SEPTIN2: variants seen among roughly 807,000 people sequenced by gnomAD.
SEPTIN2 encodes septin 2.
SEPTIN2 carries 34 observed loss-of-function variants against 46.5 expected under a neutral mutation model. The observed-to-expected ratio is 0.73, with a 90% CI of 0.56 to 0.97. SEPTIN2 has a LOEUF of 0.97. Ranked by LOEUF, SEPTIN2 falls within the 50% of genes least tolerant of loss-of-function variation. The pLI is 0.00. For missense variants in SEPTIN2, 347 were observed against 448.4 expected (o/e 0.77, Z 2.04); for synonymous variants, 175 against 153.4 (o/e 1.14, Z -1.04).
intron 7 of SEPTIN2, among the ~76,000 whole-genome samples, chr2:241,340,145 A>G (rs560097360): frequency 6.6e-6 from 1 of 152,016 alleles, no homozygotes; most frequent in African/African-American, 2.4e-5. Context: ...TCTTCTCTCC[A>G]CCCCCTAAAA....
intron 12 of SEPTIN2, among the ~76,000 whole-genome samples, chr2:241,350,635 GGAA>G (rs2060704268): frequency 6.6e-6 from 1 of 152,200 alleles, no homozygotes; most frequent in South Asian, 2.1e-4. Context: ...GATGGCACAA[GGAA>G]GAAGAATTAT....
chr2:241,326,967 G>C (rs2078073104), intron 3 of SEPTIN2, among the ~76,000 whole-genome samples: 2 of 146,808 alleles, frequency 1.4e-5, no homozygotes, highest in African/African-American at 5.0e-5. Context: ...CCTCTCACCT[G>C]AGTCCAGGAG....
At chr2:241,348,297 G>T (rs1575400869) in intron 11 of SEPTIN2, 106 bp downstream of exon 11, 1 of 734,208 alleles carries the variant, frequency 1.4e-6, no homozygotes. Flanking sequence ...GCGTGATCTC[G>T]GCTCACTGCA....
Position 241,343,780 on chromosome 2 carries a change from C to G in SEPTIN2, c.725C>G (p.Ser242Cys). ...KASIPFSVVG[S>C]NQLIEAKGKK... ...AGCATCCCATTCTCTGTGGTTGGATCCAATCAGTTGATTGAAGCCAAAGGA... is the reference window on the plus strand; with the variant it reads ...AGCATCCCATTCTCTGTGGTTGGATGCAATCAGTTGATTGAAGCCAAAGGA... Residue 242 changes from serine (S) to cysteine (C), a missense_variant, in exon 9 of 13, where the codon TCC (serine) becomes TGC (cysteine). Physicochemically the swap from Ser to Cys is moderately radical, Grantham distance 112. Transcript: ENST00000391971. The G allele has an allele frequency of 6.2e-7, 1 of 1,614,152 alleles. No homozygotes were observed. The highest frequency in any genetic ancestry group is 1.7e-5 in the Admixed American group (1 of 60,036).
intron 2 of SEPTIN2, chr2:241,324,553 AT>A: frequency 1.7e-5 from 7 of 412,230 alleles, no homozygotes; most frequent in Admixed American, 3.4e-5. Context: ...ACGCTGGCTA[AT>A]TTTTTGGATT....
chr2:241,343,315 A>G (rs2081501814), intron 8 of SEPTIN2, among the ~76,000 whole-genome samples: 1 of 152,212 alleles, frequency 6.6e-6, no homozygotes, highest in African/African-American at 2.4e-5. Context: ...CCTGGCCAAC[A>G]TGGTGAAATC....
At chr2:241,338,993 AATAT>A (rs1196946578) in intron 7 of SEPTIN2, among the ~76,000 whole-genome samples, 3 of 104,022 alleles carry the variant, frequency 2.9e-5, no homozygotes, top group Non-Finnish European at 5.1e-5. Flanking sequence ...TATATTTATA[AATAT>A]ATATAAATAT....
chr2:241,329,586 G>A (rs995005099), intron 3 of SEPTIN2, among the ~76,000 whole-genome samples: 6 of 152,160 alleles, frequency 3.9e-5, no homozygotes, highest in African/African-American at 1.4e-4. Flanking sequence ...AGTTTCCTCA[G>A]CAAGGCCATT....
intron 3 of SEPTIN2, among the ~76,000 whole-genome samples, chr2:241,329,035 G>T (rs767328731): frequency 2.6e-5 from 4 of 152,002 alleles, no homozygotes; most frequent in Non-Finnish European, 5.9e-5. Context: ...ACACAAAAAA[G>T]GTAGAGATTT....
chr2:241,335,729 T>TC, intron 4 of SEPTIN2: 1 of 578,494 alleles, frequency 1.7e-6, no homozygotes, highest in South Asian at 2.2e-5. Context: ...GCTTTCTTTT[T>TC]CCCAGGAACA....
Position 241,343,905 on chromosome 2 carries a change from A to G in SEPTIN2, c.842+8A>G, listed in dbSNP as rs1289806085. ...GCTGAGAACCATGCTCATGTAAGAC[A>G]TTTGGTGTGTTCCTTCTGGCAGAAT... On this transcript the variant is annotated splice_region_variant and intron_variant, in intron 9 of 12. Transcript: ENST00000391971. 3 of 1,613,918 alleles carry G rather than the reference A, an allele frequency of 1.9e-6. No homozygotes were observed. The highest frequency in any genetic ancestry group is 1.1e-5 in the South Asian group (1 of 91,070).
intron 9 of SEPTIN2, among the ~76,000 whole-genome samples, chr2:241,344,473 C>A (rs894514526): frequency 3.3e-5 from 5 of 151,984 alleles, no homozygotes; most frequent in African/African-American, 9.7e-5. Flanking sequence ...CTGAGGCAGG[C>A]AGATCACGAG....
Position 241,323,079 on chromosome 2 carries a change from G to T in SEPTIN2, c.-17-1137G>T, listed in dbSNP as rs2077387496. On this transcript the variant is annotated intron_variant, in intron 1 of 12. Coordinates refer to ENST00000391971, the MANE Select transcript of SEPTIN2 (RefSeq NM_004404.5). Reference sequence around the variant, plus strand: ...AGATAGGGTTTTGCTATGTTGCCCAGATTGGTGTTGAATTTTTGGCTTCAA... The same window carrying T: ...AGATAGGGTTTTGCTATGTTGCCCATATTGGTGTTGAATTTTTGGCTTCAA... 4.6e-5 allele frequency among the ~76,000 whole-genome samples: 7 copies of T among 152,042 alleles called. No homozygotes were observed. The South Asian group carries it at 1.5e-3, about 32-fold the overall frequency.
At chr2:241,332,459 A>T (rs2079156919) in intron 3 of SEPTIN2, among the ~76,000 whole-genome samples, 1 of 152,204 alleles carries the variant, frequency 6.6e-6, no homozygotes, top group African/African-American at 2.4e-5. Context: ...TACGCATTGA[A>T]ACCATGAGAT....
At chr2:241,333,492 T>C (rs2079368170) in intron 3 of SEPTIN2, among the ~76,000 whole-genome samples, 2 of 152,182 alleles carry the variant, frequency 1.3e-5, no homozygotes, top group Admixed American at 6.5e-5. Flanking sequence ...TAATTTTGTA[T>C]GTCTGCATGT....
At chr2:241,323,317 C>T (rs181752207) in intron 1 of SEPTIN2, among the ~76,000 whole-genome samples, 3 of 152,220 alleles carry the variant, frequency 2.0e-5, no homozygotes, top group South Asian at 2.1e-4. Context: ...ATCACAGGCA[C>T]GCACCACCAC....
chr2:241,343,045 A>AGAATCAGATGAAGATGAAGATTTT lies in SEPTIN2; in HGVS notation c.649_672dup (p.Glu217_Phe224dup). The AGAATCAGATGAAGATGAAGATTTT allele has an allele frequency of 1.2e-6, 2 of 1,611,444 alleles. No homozygotes were observed. The highest frequency in any genetic ancestry group is 1.7e-6 in the Non-Finnish European group (2 of 1,177,834). On this transcript the variant is annotated inframe_insertion, in exon 8 of 13. Transcript: ENST00000391971. ...TCAAAATCTATCACTTACCTGATGC[A>AGAATCAGATGAAGATGAAGATTTT]GAATCAGATGAAGATGAAGATTTTA...
intron 1 of SEPTIN2, among the ~76,000 whole-genome samples, chr2:241,320,730 A>G (rs1242558920): frequency 6.6e-6 from 1 of 152,204 alleles, no homozygotes; most frequent in Non-Finnish European, 1.5e-5. Context: ...CAGAGGTTGT[A>G]GTGAGCTGAG....
chr2:241,335,247 C>T, intron 4 of SEPTIN2, 35 bp downstream of exon 4: 1 of 1,604,094 alleles, frequency 6.2e-7, no homozygotes, highest in Non-Finnish European at 8.5e-7. Context: ...AAGTGTAATT[C>T]TACATGAAAG....
Sources: allele counts gnomAD v4.1 joint callset (sites outside exome capture counted in the v4.1 genomes callset), GRCh38; gene constraint gnomAD v4.1.1; transcripts MANE v1.5; gene names NCBI Gene and HGNC (gene_info 2026-07-23, HGNC 2026-07-21).